DUSP22: variants seen among roughly 807,000 people sequenced by gnomAD.
DUSP22 encodes the protein dual specificity protein phosphatase 22.
Under a neutral mutation model 24.5 loss-of-function variants are expected in DUSP22, and 24 were observed. The ratio of observed to expected loss-of-function variants is 0.98; its 90% CI spans 0.71 to 1.38. The LOEUF is 1.38. DUSP22 is among the 40% of genes most tolerant of loss of function. The pLI is 0.00. For missense variants in DUSP22, 330 were observed against 269.2 expected (o/e 1.23, Z -1.58); for synonymous variants, 160 against 106.4 (o/e 1.50, Z -3.10).
intron 3 of DUSP22, among the ~76,000 whole-genome samples, chr6:331,128 G>A (rs961693237): frequency 1.3e-5 from 2 of 152,410 alleles, no homozygotes; most frequent in South Asian, 2.1e-4. Flanking sequence ...GCTTGTTTTT[G>A]TATTTCAGTG....
intron 3 of DUSP22, among the ~76,000 whole-genome samples, chr6:312,337 C>G (rs1311386380): frequency 6.6e-6 from 1 of 152,282 alleles, no homozygotes; most frequent in Non-Finnish European, 1.5e-5. Flanking sequence ...TGATTTTGTC[C>G]CATTTAAACT....
At chr6:303,842 C>T (rs975930912) in intron 1 of DUSP22, among the ~76,000 whole-genome samples, 23 of 152,288 alleles carry the variant, frequency 1.5e-4, no homozygotes, top group Admixed American at 2.0e-4. Context: ...TCATTCCATG[C>T]GGGGGCTGGA....
chr6:321,388 T>C (rs1458241386), intron 3 of DUSP22, among the ~76,000 whole-genome samples: 3 of 152,306 alleles, frequency 2.0e-5, no homozygotes, highest in Admixed American at 6.5e-5. Flanking sequence ...AGGTGACACA[T>C]TCCGATTTCT....
chr6:343,641 A>G (rs1759718406), intron 4 of DUSP22, among the ~76,000 whole-genome samples: 1 of 16,340 alleles, frequency 6.1e-5, no homozygotes, highest in Non-Finnish European at 1.2e-4. Context: ...TGACCCTTGC[A>G]GTTGTTGCAG....
intron 2 of DUSP22, among the ~76,000 whole-genome samples, chr6:305,133 C>G (rs974350303): frequency 6.6e-5 from 10 of 152,296 alleles, no homozygotes; most frequent in Non-Finnish European, 1.5e-4. Context: ...AGTGAGTTCA[C>G]TTTTTAAAAG....
intron 4 of DUSP22, among the ~76,000 whole-genome samples, chr6:345,113 G>A (rs574933717): frequency 6.6e-6 from 1 of 152,418 alleles, no homozygotes; most frequent in East Asian, 1.9e-4. Flanking sequence ...TGTAAATAAT[G>A]GATTCTGAGG....
chr6:350,662 TG>T lies in DUSP22; in HGVS notation c.*1712del, dbSNP rs1421307755. 1 of 1,521,542 alleles carries T rather than the reference TG, an allele frequency of 6.6e-7. No individual in the cohort carries two copies. Among genetic ancestry groups the T allele is most frequent in the Non-Finnish European group, 8.8e-7 (1 of 1,134,930 alleles). 94.3% of individuals were successfully genotyped at this position (1,521,542 alleles called of 1,614,324 possible). On this transcript the variant is annotated 3_prime_UTR_variant, in exon 7 of 7. Coordinates refer to ENST00000419235, the MANE Select transcript of DUSP22 (RefSeq NM_001286555.3). ...TAAAACAATTTGCCAATAAAGTACA[TG>T]TTTTTCCTAAGCCAAAAATAAATAC...
At chr6:322,404 C>G (rs1758640417) in intron 3 of DUSP22, among the ~76,000 whole-genome samples, 1 of 152,296 alleles carries the variant, frequency 6.6e-6, no homozygotes, top group African/African-American at 2.4e-5. Context: ...TTGGGGTTCC[C>G]TGCAGGGGCG....
At chr6:317,142 T>A (rs150102295) in intron 3 of DUSP22, among the ~76,000 whole-genome samples, 1,063 of 152,048 alleles carry the variant, frequency 7.0e-3, no homozygotes, top group Non-Finnish European at 9.6e-3. Context: ...GGTTGTTAAC[T>A]GTGTGCCTGT....
intron 2 of DUSP22, among the ~76,000 whole-genome samples, chr6:307,644 C>G (rs574593974): frequency 6.6e-6 from 1 of 152,304 alleles, no homozygotes; most frequent in East Asian, 1.9e-4. Flanking sequence ...AGGGTGGGTC[C>G]GTGGCTTCCT....
In DUSP22 at chr6:311,549, G is replaced by T. The variant is rs538282969; in HGVS notation, c.56-331G>T. On this transcript the variant is annotated intron_variant, in intron 2 of 6. Coordinates refer to ENST00000419235, the MANE Select transcript of DUSP22 (RefSeq NM_001286555.3). ...CAAAAAATTAGCCGGGCGTGGTGGC[G>T]GGCGCCTGTAGTCCCAGCTACTCGG... Among the ~76,000 whole-genome samples the T allele has an allele frequency of 1.7e-4, 26 of 152,414 alleles. No individual in the cohort carries two copies. In the South Asian group the frequency reaches 5.2e-3, roughly 30 times the overall value.
intron 4 of DUSP22, among the ~76,000 whole-genome samples, chr6:342,780 AG>A (rs1276570822): frequency 1.3e-5 from 2 of 152,308 alleles, no homozygotes; most frequent in Non-Finnish European, 2.9e-5. Context: ...GGGAAGGGAA[AG>A]GTTTTCCAGA....
At position 348,224 on chromosome 6, in the gene DUSP22, G is replaced by T. The variant is rs140673019; in HGVS notation, c.385G>T (p.Val129Leu). The T allele has an allele frequency of 3.7e-6, 6 of 1,614,194 alleles. No homozygotes were observed. In the African/African-American group the frequency reaches 8.0e-5, roughly 22 times the overall value. The change falls in exon 6 of 7, where the codon GTG (valine) becomes TTG (leucine). Residue 129 changes from valine (V) to leucine (L), a missense_variant. Physicochemically the swap from Val to Leu is conservative, Grantham distance 32. Coordinates refer to ENST00000419235, the MANE Select transcript of DUSP22 (RefSeq NM_001286555.3). ...RAGRSCANPNVGFQRQLQEFE... is the reference protein window; with the variant it reads ...RAGRSCANPNLGFQRQLQEFE... ...TGGGAGATCCTGTGCCAACCCCAAC[G>T]TGGGCTTCCAGAGACAGCTCCAGGA...
rs1047120018 is a variant in DUSP22, at chr6:349,419, T to G, written c.*468T>G. 2 of 1,016,832 alleles carry G rather than the reference T, an allele frequency of 2.0e-6. No homozygotes were observed. Among genetic ancestry groups the G allele is most frequent in the Admixed American group, 5.5e-5 (1 of 18,326 alleles). 63.0% of individuals were successfully genotyped at this position (1,016,832 alleles called of 1,614,324 possible). On this transcript the variant is annotated 3_prime_UTR_variant, in exon 7 of 7. Coordinates refer to ENST00000419235, the MANE Select transcript of DUSP22 (RefSeq NM_001286555.3). Reference sequence around the variant, plus strand: ...GGGTTGGTGTGGCCACCTTTCCCTTTGTCCAAGACTCCACATGGAAGGCAT... The same window carrying G: ...GGGTTGGTGTGGCCACCTTTCCCTTGGTCCAAGACTCCACATGGAAGGCAT...
At chr6:312,113 T>C in intron 3 of DUSP22, 151 bp downstream of exon 3, 3 of 866,844 alleles carry the variant, frequency 3.5e-6, no homozygotes, top group Admixed American at 3.1e-5. Flanking sequence ...GCCGTGTTGA[T>C]GTTAACACGC....
At chr6:346,457 C>CACACACAA (rs1759879798) in intron 5 of DUSP22, among the ~76,000 whole-genome samples, 1 of 152,274 alleles carries the variant, frequency 6.6e-6, no homozygotes, top group Non-Finnish European at 1.5e-5. Flanking sequence ...CACACACACA[C>CACACACAA]AGTGAAAAGA....
intron 1 of DUSP22, among the ~76,000 whole-genome samples, chr6:299,415 T>G (rs1353972283): frequency 6.6e-6 from 1 of 152,300 alleles, no homozygotes; most frequent in Non-Finnish European, 1.5e-5. Flanking sequence ...TCAAAATTTT[T>G]GGGTTTCAAG....
chr6:321,949 G>T (rs1029533817), intron 3 of DUSP22, among the ~76,000 whole-genome samples: 2 of 152,310 alleles, frequency 1.3e-5, no homozygotes, highest in Admixed American at 6.5e-5. Flanking sequence ...TCAGTCATGG[G>T]TGGAATGTTC....
Position 350,265 on chromosome 6 carries a change from C to T in DUSP22, c.*1314C>T. The stretch of plus-strand genomic sequence containing the variant: ...GTAATGCTTTCTGGTGGGTAAAATT[C>T]CACATTCAGGCCACGAGAGCATCTA... On this transcript the variant is annotated 3_prime_UTR_variant, in exon 7 of 7. Transcript: ENST00000419235. 1.0e-6 allele frequency: 1 copy of T among 988,980 alleles called. No homozygotes were observed. The highest frequency in any genetic ancestry group is 1.2e-6 in the Non-Finnish European group (1 of 832,430). The allele number at this position is 988,980 out of a possible 1,614,324, so 61.3% of individuals were successfully genotyped here.
Sources: gnomAD v4.1 joint callset for allele counts (sites outside exome capture counted in the v4.1 genomes callset) on GRCh38, gnomAD v4.1.1 for gene constraint, MANE v1.5 for transcripts, NCBI Gene and HGNC (gene_info 2026-07-23, HGNC 2026-07-21) for gene names.